RASA3: variants seen among roughly 807,000 people sequenced by gnomAD.
RASA3 encodes the protein RAS p21 protein activator 3.
A neutral mutation model predicts 110.0 loss-of-function variants in RASA3; 73 were observed. That is an observed-to-expected ratio of 0.66 (90% CI 0.55 to 0.81). The LOEUF (loss-of-function observed/expected upper bound fraction) is 0.81. RASA3 is among the 30% of genes least tolerant of loss of function. The pLI is 0.00. For missense variants in RASA3, 976 were observed against 1,113.2 expected, an observed-to-expected ratio of 0.88 and a Z score of 1.75; for synonymous variants, 500 against 451.4, an observed-to-expected ratio of 1.11 and a Z score of -1.37.
Position 114,016,046 on chromosome 13 carries a change from G to A in RASA3, c.1281+151C>T, listed in dbSNP as rs975482778. ...GAGGCCTCCCAGTAGTGCAGCCAGC[G>A]TACTGCAGCCGGGTGAGGCGGGTAT... On this transcript the variant is annotated intron_variant, in intron 13 of 23. Coordinates refer to ENST00000334062, the MANE Select transcript of RASA3 (RefSeq NM_007368.4). The A allele has an allele frequency of 8.3e-5, 54 of 647,260 alleles. 2 individuals are homozygous for A. The highest frequency in any genetic ancestry group is 7.4e-4 in the South Asian group (44 of 59,514). 40.1% of individuals were successfully genotyped at this position (647,260 alleles called of 1,614,324 possible). A position where few individuals can be genotyped will look rare whatever the true frequency, so the allele number is the denominator to read the frequency against.
At chr13:114,100,243 A>C (rs1465337669) in intron 1 of RASA3, among the ~76,000 whole-genome samples, 1 of 151,750 alleles carries the variant, frequency 6.6e-6, no homozygotes, top group Non-Finnish European at 1.5e-5. Context: ...GCCGATGTGG[A>C]TGCCTCTGTG....
At chr13:114,020,630 G>A (rs566641595) in intron 9 of RASA3, among the ~76,000 whole-genome samples, 62 of 152,322 alleles carry the variant, frequency 4.1e-4, no homozygotes, top group Non-Finnish European at 6.2e-4. Context: ...CTGTCGCTAA[G>A]GGACACACAT....
intron 18 of RASA3, among the ~76,000 whole-genome samples, chr13:114,003,925 CCTT>C (rs1457169132): frequency 2.0e-5 from 3 of 152,324 alleles, no homozygotes; most frequent in African/African-American, 4.8e-5. Flanking sequence ...TGCCATTACT[CCTT>C]CTGCCAGGGA....
intron 2 of RASA3, among the ~76,000 whole-genome samples, chr13:114,054,883 G>A (rs913293214): frequency 6.6e-6 from 1 of 152,262 alleles, no homozygotes; most frequent in South Asian, 2.1e-4. Flanking sequence ...GATCTCCTGC[G>A]TCTGCGTGGG....
intron 14 of RASA3, among the ~76,000 whole-genome samples, chr13:114,013,859 T>C (rs904512230): frequency 0.081 from 1,933 of 23,820 alleles, 126 homozygotes; most frequent in African/African-American, 0.17. Context: ...TCTCTGTCTC[T>C]CTCCCTGTCT....
chr13:113,980,353 C>T (rs1456007929), intron 23 of RASA3, among the ~76,000 whole-genome samples: 1 of 147,264 alleles, frequency 6.8e-6, no homozygotes, highest in Non-Finnish European at 1.5e-5. Flanking sequence ...CACCTCCTGC[C>T]ATGTGTGTGC....
At position 114,060,169 on chromosome 13, in the gene RASA3, A is replaced by G. The variant is rs376515333; in HGVS notation, c.174-8014T>C. ...GGCTTGTGTGTGGTAAAGACGTAGG[A>G]GCAAGGAGAAGGCTGACGTGGCCTG... On this transcript the variant is annotated intron_variant, in intron 2 of 23. Coordinates refer to ENST00000334062, the MANE Select transcript of RASA3 (RefSeq NM_007368.4). 3.9e-5 allele frequency among the ~76,000 whole-genome samples: 6 copies of G among 152,316 alleles called. No individual in the cohort carries two copies. The South Asian group carries it at 6.2e-4, about 16-fold the overall frequency.
At chr13:114,041,468 G>A (rs778849730) in intron 3 of RASA3, among the ~76,000 whole-genome samples, 2 of 152,272 alleles carry the variant, frequency 1.3e-5, no homozygotes, top group East Asian at 1.9e-4. Context: ...AGGCGCGAAC[G>A]TCCGCTCCAT....
At chr13:114,009,131 C>A (rs543526285) in intron 17 of RASA3, among the ~76,000 whole-genome samples, 3 of 152,226 alleles carry the variant, frequency 2.0e-5, no homozygotes, top group Non-Finnish European at 4.4e-5. Context: ...GGGGCTCAGA[C>A]ACAGAACAAG....
chr13:114,064,703 C>CA (rs2079416082), intron 2 of RASA3, among the ~76,000 whole-genome samples: 1 of 152,242 alleles, frequency 6.6e-6, no homozygotes, highest in African/African-American at 2.4e-5. Context: ...AGGGGCCACA[C>CA]AGCCACCAGG....
chr13:114,121,505 AC>A (rs1222811592), intron 1 of RASA3, among the ~76,000 whole-genome samples: 1 of 152,114 alleles, frequency 6.6e-6, no homozygotes, highest in Admixed American at 6.5e-5. Context: ...AAGCCGTGCA[AC>A]CCTGCCCCAA....
chr13:114,103,261 T>G (rs2080082684), intron 1 of RASA3, among the ~76,000 whole-genome samples: 1 of 152,070 alleles, frequency 6.6e-6, no homozygotes, highest in Non-Finnish European at 1.5e-5. Flanking sequence ...TCGGGAGAGA[T>G]GCCCAAGAGA....
intron 17 of RASA3, 93 bp downstream of exon 17, chr13:114,009,294 G>C (rs1216488926): frequency 2.9e-6 from 3 of 1,042,916 alleles, no homozygotes; most frequent in East Asian, 2.4e-5. Flanking sequence ...TAATGGCCAA[G>C]TCTGTGTCAT....
At chr13:114,036,447 G>A (rs571085505) in intron 4 of RASA3, among the ~76,000 whole-genome samples, 3 of 152,340 alleles carry the variant, frequency 2.0e-5, no homozygotes, top group Admixed American at 2.0e-4. Context: ...GGAGCCACAT[G>A]GCTACCCCCT....
intron 9 of RASA3, among the ~76,000 whole-genome samples, chr13:114,020,289 G>A (rs1440828436): frequency 6.6e-6 from 1 of 152,162 alleles, no homozygotes; most frequent in African/African-American, 2.4e-5. Context: ...GGTGGAGCCT[G>A]TGTCTGAGGC....
intron 14 of RASA3, among the ~76,000 whole-genome samples, chr13:114,013,477 C>T (rs1330281309): frequency 4.0e-5 from 6 of 149,104 alleles, no homozygotes; most frequent in African/African-American, 1.5e-4. Context: ...CCCTGTCTCT[C>T]TCCGTATCTC....
At chr13:114,066,159 C>G (rs2079445863) in intron 2 of RASA3, among the ~76,000 whole-genome samples, 1 of 135,180 alleles carries the variant, frequency 7.4e-6, no homozygotes, top group Admixed American at 6.9e-5. Flanking sequence ...TTCCTCTCTC[C>G]CACCCCATAC....
intron 1 of RASA3, among the ~76,000 whole-genome samples, chr13:114,092,035 C>A (rs1204398275): frequency 6.6e-6 from 1 of 151,744 alleles, no homozygotes; most frequent in Non-Finnish European, 1.5e-5. Flanking sequence ...CTTTTTCCAT[C>A]CTTGATTTTA....
intron 21 of RASA3, 129 bp downstream of exon 21, chr13:113,996,402 A>C: frequency 1.1e-6 from 1 of 942,844 alleles, no homozygotes; most frequent in South Asian, 1.7e-5. Flanking sequence ...TCCTGGGAGG[A>C]GGCGAGGGCA....
Sources: gnomAD v4.1 joint callset for allele counts (sites outside exome capture counted in the v4.1 genomes callset) on GRCh38, gnomAD v4.1.1 for gene constraint, MANE v1.5 for transcripts, NCBI Gene and HGNC (gene_info 2026-07-23, HGNC 2026-07-21) for gene names.